Variants in PDE4B observed in about 807,000 individuals in gnomAD.
PDE4B encodes 3',5'-cyclic-AMP phosphodiesterase 4B.
PDE4B carries 20 observed loss-of-function variants against 82.2 expected under a neutral mutation model. The observed-to-expected ratio is 0.24, with a 90% CI of 0.17 to 0.35. PDE4B has a LOEUF of 0.35. PDE4B is among the 10% of genes least tolerant of loss of function. PDE4B has a pLI of 1.00. For missense variants in PDE4B, 655 were observed against 907.2 expected, an observed-to-expected ratio of 0.72 and a Z score of 3.57; for synonymous variants, 320 against 318.9, an observed-to-expected ratio of 1.00 and a Z score of -0.04.
chr1:65,819,794 G>GT (rs1645932390), intron 1 of PDE4B, among the ~76,000 whole-genome samples: 1 of 152,026 alleles, frequency 6.6e-6, no homozygotes, highest in Admixed American at 6.5e-5. Context: ...ATATTCTCTT[G>GT]TTTTTGCTTT....
In PDE4B at chr1:65,890,688, G is replaced by A. The variant is rs189696620; in HGVS notation, c.-70-22557G>A. ...GGTTTAAGCTAGTGTCAAAGAATTT[G>A]GATACATGGAGGAGAGCAGACAAGC... On this transcript the variant is annotated intron_variant, in intron 1 of 16. Coordinates refer to ENST00000341517, the MANE Select transcript of PDE4B (RefSeq NM_002600.4). 4.4e-3 allele frequency among the ~76,000 whole-genome samples: 675 copies of A among 152,058 alleles called. 6 individuals are homozygous for A. The highest frequency in any genetic ancestry group is 0.016 in the African/African-American group (647 of 41,500).
chr1:66,330,778 AAGTC>A, intron 7 of PDE4B: 1 of 985,358 alleles, frequency 1.0e-6, no homozygotes, highest in Non-Finnish European at 1.2e-6. Context: ...ACTAGAGAGT[AAGTC>A]AGAGAATCTT....
intron 3 of PDE4B, among the ~76,000 whole-genome samples, chr1:65,999,249 C>T (rs1651726033): frequency 6.6e-6 from 1 of 152,154 alleles, no homozygotes; most frequent in African/African-American, 2.4e-5. Flanking sequence ...TATAGTGCTT[C>T]CTTCTCTAAC....
intron 3 of PDE4B, among the ~76,000 whole-genome samples, chr1:65,981,571 T>C (rs934825509): frequency 2.0e-5 from 3 of 150,874 alleles, no homozygotes; most frequent in Non-Finnish European, 4.4e-5. Context: ...CAATAAAGTA[T>C]AGTGGATTAA....
intron 3 of PDE4B, among the ~76,000 whole-genome samples, chr1:66,135,711 A>G (rs1020803806): frequency 4.6e-5 from 7 of 152,204 alleles, no homozygotes; most frequent in Admixed American, 3.9e-4. Context: ...ATCTGGGCCA[A>G]TAATATAGAT....
intron 3 of PDE4B, among the ~76,000 whole-genome samples, chr1:65,940,721 A>G (rs1042704475): frequency 6.6e-6 from 1 of 152,112 alleles, no homozygotes; most frequent in Non-Finnish European, 1.5e-5. Context: ...GCTAAAGCTG[A>G]AAACACTCAG....
At chr1:66,056,866 T>C (rs556385018) in intron 3 of PDE4B, among the ~76,000 whole-genome samples, 4 of 152,312 alleles carry the variant, frequency 2.6e-5, no homozygotes, top group Admixed American at 2.6e-4. Flanking sequence ...GCTGATACCT[T>C]GACTTTTACC....
chr1:66,145,245 T>C (rs1646246747), intron 3 of PDE4B, among the ~76,000 whole-genome samples: 7 of 152,130 alleles, frequency 4.6e-5, no homozygotes, highest in Admixed American at 3.9e-4. Flanking sequence ...TGTGTATCAC[T>C]GCAAAAGGAA....
chr1:66,106,922 T>C (rs183100247), intron 3 of PDE4B, among the ~76,000 whole-genome samples: 14 of 141,494 alleles, frequency 9.9e-5, no homozygotes, highest in African/African-American at 2.3e-4. Context: ...GAAGGGTTTT[T>C]TGTGTCTCTA....
intron 3 of PDE4B, 67 bp downstream of exon 3, chr1:65,918,902 C>A (rs1489760454): frequency 1.4e-5 from 14 of 981,182 alleles, no homozygotes; most frequent in Non-Finnish European, 2.3e-5. Flanking sequence ...AATACAATTT[C>A]ATAGTATTAA....
intron 3 of PDE4B, among the ~76,000 whole-genome samples, chr1:66,004,402 T>A (rs559612405): frequency 1.6e-4 from 24 of 152,304 alleles, no homozygotes; most frequent in Middle Eastern, 3.4e-3. Context: ...GATATGACTT[T>A]ATCATAAAGC....
intron 1 of PDE4B, among the ~76,000 whole-genome samples, chr1:65,817,680 C>T (rs1645902745): frequency 6.6e-6 from 1 of 152,040 alleles, no homozygotes; most frequent in Admixed American, 6.6e-5. Context: ...GAAGCATACG[C>T]CCTAAAAATT....
chr1:66,274,321 C>T (rs907798035), intron 7 of PDE4B, among the ~76,000 whole-genome samples: 24 of 135,930 alleles, frequency 1.8e-4, no homozygotes, highest in African/African-American at 6.2e-4. Flanking sequence ...TCACAACACC[C>T]AGCTAATTTT....
At chr1:66,286,884 T>G (rs1024795680) in intron 7 of PDE4B, among the ~76,000 whole-genome samples, 3 of 152,148 alleles carry the variant, frequency 2.0e-5, no homozygotes, top group Non-Finnish European at 4.4e-5. Flanking sequence ...CAAGAAAAGC[T>G]AATGTATGCC....
At chr1:66,202,755 T>A (rs1314413808) in intron 3 of PDE4B, among the ~76,000 whole-genome samples, 1 of 152,126 alleles carries the variant, frequency 6.6e-6, no homozygotes, top group Non-Finnish European at 1.5e-5. Flanking sequence ...GCACGTGAGA[T>A]GGGTTTCCTG....
intron 3 of PDE4B, among the ~76,000 whole-genome samples, chr1:65,954,942 A>C (rs979208067): frequency 2.0e-5 from 3 of 152,138 alleles, no homozygotes; most frequent in African/African-American, 7.2e-5. Context: ...TGAAGTAGCC[A>C]AACCTAGATT....
At chr1:66,092,740 G>A (rs1021290184) in intron 3 of PDE4B, among the ~76,000 whole-genome samples, 1 of 151,836 alleles carries the variant, frequency 6.6e-6, no homozygotes, top group African/African-American at 2.4e-5. Flanking sequence ...AGAGATGAAG[G>A]CCTAGGTAAG....
rs1297971405 is a variant in PDE4B, at chr1:65,887,247, T to TTTCTTTCTTTTTC, written c.-70-25996_-70-25995insCTTTCTTTTTCTT. On this transcript the variant is annotated intron_variant, in intron 1 of 16. Coordinates refer to ENST00000341517, the MANE Select transcript of PDE4B (RefSeq NM_002600.4). ...CTTTCTTTCTTTCTTTCTTTCTTTC[T>TTTCTTTCTTTTTC]TTTCTTTCTTTCTTTCCTTCCTTCT... Among the ~76,000 whole-genome samples, 218 of 37,720 alleles carry TTTCTTTCTTTTTC rather than the reference T, an allele frequency of 5.8e-3. 7 individuals are homozygous for TTTCTTTCTTTTTC. The highest frequency in any genetic ancestry group is 0.022 in the African/African-American group (211 of 9,438). The allele number at this position is 37,720 out of a possible 152,430, so 24.7% of individuals were successfully genotyped here. A position where few individuals can be genotyped will look rare whatever the true frequency, so the allele number is the denominator to read the frequency against.
chr1:66,293,553 T>G (rs576447237), intron 7 of PDE4B, among the ~76,000 whole-genome samples: 1 of 152,200 alleles, frequency 6.6e-6, no homozygotes, highest in Non-Finnish European at 1.5e-5. Context: ...ATCCTCCGTG[T>G]CTGCAAAATG....
Sources: allele counts gnomAD v4.1 joint callset (sites outside exome capture counted in the v4.1 genomes callset), GRCh38; gene constraint gnomAD v4.1.1; transcripts MANE v1.5; gene names NCBI Gene and HGNC (gene_info 2026-07-23, HGNC 2026-07-21).